The following DSCC1 variants were observed in gnomAD, a reference collection of about 807,000 sequenced individuals.
DSCC1 encodes the protein sister chromatid cohesion protein DCC1.
Under a neutral mutation model 48.2 loss-of-function variants are expected in DSCC1, and 32 were observed. That is an observed-to-expected ratio of 0.66 (90% confidence interval 0.50 to 0.89). The LOEUF (loss-of-function observed/expected upper bound fraction) is 0.89. DSCC1 is among the 40% of genes least tolerant of loss of function. The pLI is 0.00. For synonymous variants in DSCC1, 150 were observed against 171.5 expected, an observed-to-expected ratio of 0.87 and a Z score of 0.98; for missense variants, 421 against 471.7, an observed-to-expected ratio of 0.89 and a Z score of 1.00.
Position 119,842,756 on chromosome 8 carries a change from G to T in DSCC1, c.769+20C>A. The T allele has an allele frequency of 6.3e-7, 1 of 1,598,426 alleles. No homozygotes were observed. The highest frequency in any genetic ancestry group is 8.6e-7 in the Non-Finnish European group (1 of 1,167,582). ...GTTTTAACATATAAGAGTTAAATGA[G>T]AATACTTTCCAAATCTTACCTTCAT... On this transcript the variant is annotated intron_variant, in intron 6 of 8. Transcript: ENST00000313655.
chr8:119,844,984 G>A (rs891918715), intron 4 of DSCC1, among the ~76,000 whole-genome samples: 5 of 151,958 alleles, frequency 3.3e-5, no homozygotes, highest in African/African-American at 1.2e-4. Context: ...TGTGGATGAG[G>A]GCCAAGTTAA....
rs533300879 is a variant in DSCC1, at chr8:119,850,509, C to A, written c.359G>T (p.Gly120Val). 2.6e-6 allele frequency: 4 copies of A among 1,562,624 alleles called. No individual in the cohort carries two copies. The highest frequency in any genetic ancestry group is 1.5e-5 in the African/African-American group (1 of 66,762). Reference sequence around the variant, plus strand: ...TAATTCCCAATAATTATTAGAAAAACCAAAGATCTAGAAATTATATATATC... The same window carrying A: ...TAATTCCCAATAATTATTAGAAAAAACAAAGATCTAGAAATTATATATATC... ...HCNIIHTEIF[G>V]FSNNYWELRR... Residue 120 changes from glycine (G) to valine (V), a missense_variant, in exon 3 of 9, where the codon GGT (glycine) becomes GTT (valine). This residue lies in a region of DSCC1 where 174 missense variants were observed against 184.5 expected (regional missense o/e 0.94). Coordinates refer to ENST00000313655, the MANE Select transcript of DSCC1 (RefSeq NM_024094.3).
intron 3 of DSCC1, among the ~76,000 whole-genome samples, chr8:119,847,537 G>T (rs28529634): frequency 0.037 from 5,685 of 152,296 alleles, 179 homozygotes; most frequent in South Asian, 0.11. Context: ...AACAAGTACA[G>T]AGTTTCAGTT....
Position 119,841,610 on chromosome 8 carries a change from A to G in DSCC1, c.924+184T>C, listed in dbSNP as rs116231763. Among the ~76,000 whole-genome samples, 890 of 152,298 alleles carry G rather than the reference A, an allele frequency of 5.8e-3. 12 individuals carry two copies. Among genetic ancestry groups the G allele is most frequent in the African/African-American group, 0.02 (849 of 41,546 alleles). On this transcript the variant is annotated intron_variant, in intron 7 of 8. Transcript: ENST00000313655. Reference sequence around the variant, plus strand: ...AAATATTTTAAAGGTATATTTTATAATATGTAAATTATACCCCAATACTTT... The same window carrying G: ...AAATATTTTAAAGGTATATTTTATAGTATGTAAATTATACCCCAATACTTT...
rs1486141004 is a variant in DSCC1 at position 119,855,701 on chromosome 8, C to T, written c.95G>A (p.Gly32Asp). Residue 32 changes from glycine (G) to aspartate (D), a missense_variant, in exon 1 of 9, where the codon GGC becomes GAC. Gly to Asp is a moderately conservative substitution (Grantham distance 94). Coordinates refer to ENST00000313655, the MANE Select transcript of DSCC1 (RefSeq NM_024094.3). ...LLPAVHCLGF[G>D]PGASGAAAGD... is the part of the protein sequence containing the mutation. ...GGCTGCAGCGCCGCTGGCCCCAGGG[C>T]CGAAGCCCAGGCAGTGCACCGCCGG... 1 of 1,561,314 alleles carries T rather than the reference C, an allele frequency of 6.4e-7. No individual in the cohort carries two copies. The highest frequency in any genetic ancestry group is 2.4e-5 in the East Asian group (1 of 41,288).
Position 119,834,759 on chromosome 8 carries a change from A to G in DSCC1, c.*134T>C, listed in dbSNP as rs2131287904. The G allele has an allele frequency of 1.5e-6, 1 of 667,348 alleles. No individual in the cohort carries two copies. The highest frequency in any genetic ancestry group is 2.8e-5 in the East Asian group (1 of 36,316). The allele number at this position is 667,348 out of a possible 1,614,324, so 41.3% of individuals were successfully genotyped here. On this transcript the variant is annotated 3_prime_UTR_variant, in exon 9 of 9. Coordinates refer to ENST00000313655, the MANE Select transcript of DSCC1 (RefSeq NM_024094.3). ...TTTAAGAAATAACAGTAGTTTCAAA[A>G]TGCTTAAGATGAGGAGAAAAATGCC... is the stretch of plus-strand genomic sequence containing the variant.
intron 6 of DSCC1, among the ~76,000 whole-genome samples, 186 bp from the exon 7 acceptor site, chr8:119,842,134 C>T (rs775110569): frequency 6.6e-6 from 1 of 151,846 alleles, no homozygotes; most frequent in Admixed American, 6.6e-5. Flanking sequence ...CGTGCATTGG[C>T]GTGATCTTGG....
intron 3 of DSCC1, 33 bp from the exon 4 acceptor site, chr8:119,847,113 G>T: frequency 6.4e-7 from 1 of 1,571,432 alleles, no homozygotes; most frequent in East Asian, 2.2e-5. Context: ...TAAGGCCTTT[G>T]AAGAATATTT....
chr8:119,854,018 T>A (rs1270080630), intron 1 of DSCC1, among the ~76,000 whole-genome samples: 1 of 152,152 alleles, frequency 6.6e-6, no homozygotes, highest in East Asian at 1.9e-4. Context: ...GAGACCAGCC[T>A]GAGAAACATA....
At position 119,846,978 on chromosome 8, in the gene DSCC1, A is replaced by G. The variant is rs1444955251; in HGVS notation, c.577+12T>C. ...ATTTCATCATTGTTAAAATAGTAGT[A>G]AGTAACGCTACCTCCAATCTTACAG... On this transcript the variant is annotated intron_variant, in intron 4 of 8. Transcript: ENST00000313655. 1 of 1,611,750 alleles carries G rather than the reference A, an allele frequency of 6.2e-7. No individual in the cohort carries two copies. Among genetic ancestry groups the G allele is most frequent in the African/African-American group, 1.3e-5 (1 of 75,014 alleles).
Position 119,850,595 on chromosome 8 carries a change from G to GC in DSCC1, c.352-80dup, listed in dbSNP as rs1214806305. 2.3e-6 allele frequency: 3 copies of GC among 1,281,878 alleles called. No individual in the cohort carries two copies. The African/African-American group carries it at 4.7e-5, about 20-fold the overall frequency. The allele number at this position is 1,281,878 out of a possible 1,614,324, so 79.4% of individuals were successfully genotyped here. A position where few individuals can be genotyped will look rare whatever the true frequency, so the allele number is the denominator to read the frequency against. ...ATACAAAATTACAACTAATCAATCT[G>GC]CCCCCTCAACAAGTACAAAGGAAGC... On this transcript the variant is annotated intron_variant, in intron 2 of 8. Transcript: ENST00000313655.
intron 8 of DSCC1, 44 bp downstream of exon 8, chr8:119,838,215 T>C (rs1163167518): frequency 6.6e-7 from 1 of 1,505,002 alleles, no homozygotes; most frequent in Non-Finnish European, 8.8e-7. Flanking sequence ...CCATTGACTA[T>C]AAAAAGAACG....
intron 7 of DSCC1, among the ~76,000 whole-genome samples, chr8:119,840,913 A>AAAAT (rs150750856): frequency 1.5e-4 from 23 of 152,070 alleles, no homozygotes; most frequent in South Asian, 6.2e-4. Flanking sequence ...CTCAGTCTCA[A>AAAAT]AAATAAATAA....
In DSCC1 at chr8:119,850,462, T is replaced by C; in HGVS notation, c.406A>G (p.Lys136Glu). ...TCCATCAAAAGTTTCTTTAGCTTCT[T>C]TAACTTGGGTCTACGTCTTCTTAAT... ...WELRRRRPKL[K>E]KLKKLLMENP... The change falls in exon 3 of 9, where the codon AAG (lysine) becomes GAG (glutamate). Residue 136 changes from lysine (K) to glutamate (E), a missense_variant. Coordinates refer to ENST00000313655, the MANE Select transcript of DSCC1 (RefSeq NM_024094.3). The C allele has an allele frequency of 1.2e-6, 2 of 1,601,430 alleles. No homozygotes were observed. Among genetic ancestry groups the C allele is most frequent in the Non-Finnish European group, 1.7e-6 (2 of 1,175,478 alleles).
At chr8:119,846,624 T>C (rs903695347) in intron 4 of DSCC1, among the ~76,000 whole-genome samples, 1 of 152,218 alleles carries the variant, frequency 6.6e-6, no homozygotes, top group African/African-American at 2.4e-5. Context: ...AGTGGTGCCA[T>C]CTCAGCTCTC....
In DSCC1 at chr8:119,838,366, T is replaced by C. The variant is rs1395341928; in HGVS notation, c.966A>G (p.Ile322Met). Residue 322 changes from isoleucine to methionine, a missense_variant, in exon 8 of 9, where the codon ATA becomes ATG. Coordinates refer to ENST00000313655, the MANE Select transcript of DSCC1 (RefSeq NM_024094.3). ...GTAAATCATCTACTTTCAGCAAAAA[T>C]ATGATTTCTGGTCTCGAGTGTCTAT... is the stretch of plus-strand genomic sequence containing the variant. The part of the protein sequence containing the change: ...LVDRHSRPEI[I>M]FLLKVDDLPE... The C allele has an allele frequency of 6.2e-7, 1 of 1,608,422 alleles. No homozygotes were observed. The highest frequency in any genetic ancestry group is 8.5e-7 in the Non-Finnish European group (1 of 1,178,004).
At chr8:119,855,021 C>T (rs1254571785) in intron 1 of DSCC1, among the ~76,000 whole-genome samples, 2 of 152,172 alleles carry the variant, frequency 1.3e-5, no homozygotes, top group Admixed American at 1.3e-4. Flanking sequence ...AGGGATATAA[C>T]GATTCTCTAG....
At chr8:119,847,299 C>T (rs13272214) in intron 3 of DSCC1, among the ~76,000 whole-genome samples, 60,023 of 151,996 alleles carry the variant, frequency 0.39, 12,141 homozygotes, top group South Asian at 0.57. Flanking sequence ...TGGGTGATGG[C>T]TTATTAAATA....
intron 3 of DSCC1, among the ~76,000 whole-genome samples, chr8:119,849,575 A>G (rs1006647194): frequency 1.3e-5 from 2 of 152,222 alleles, no homozygotes; most frequent in Non-Finnish European, 2.9e-5. Flanking sequence ...TATTAGTGGT[A>G]GCCTAGGGGA....
Sources: allele counts gnomAD v4.1 joint callset (sites outside exome capture counted in the v4.1 genomes callset), GRCh38; gene constraint gnomAD v4.1.1; regional missense constraint gnomAD v4.1.1; transcripts MANE v1.5; gene names NCBI Gene and HGNC (gene_info 2026-07-23, HGNC 2026-07-21).